The following TRRAP variants were observed in gnomAD, a reference collection of about 807,000 sequenced individuals.
TRRAP encodes the protein transformation/transcription domain associated protein.
TRRAP carries 41 observed loss-of-function variants against 438.8 expected under a neutral mutation model. That is an observed-to-expected ratio of 0.09 (90% CI 0.07 to 0.12). The LOEUF (loss-of-function observed/expected upper bound fraction) is 0.12. TRRAP is among the 10% of genes least tolerant of loss of function. The pLI is 1.00. For missense variants in TRRAP, 3,122 were observed against 5,055.1 expected (o/e 0.62, Z 11.60); for synonymous variants, 1,994 against 1,962.9 (o/e 1.02, Z -0.42).
chr7:98,883,822 A>AT (rs1205122693), intron 3 of TRRAP, among the ~76,000 whole-genome samples: 1 of 152,040 alleles, frequency 6.6e-6, no homozygotes, highest in East Asian at 1.9e-4. Context: ...CCGTCTAGTA[A>AT]TTTTTTTACT....
chr7:98,892,518 G>C lies in TRRAP; in HGVS notation c.356G>C (p.Arg119Pro). The change falls in exon 5 of 73, where the codon CGC (arginine) becomes CCC (proline). Residue 119 changes from arginine to proline, a missense_variant. Arg to Pro is a moderately radical substitution (Grantham distance 103). Around this residue, in one of 24 missense-constraint regions of TRRAP, gnomAD observed 343 missense variants for 564.0 expected, o/e 0.61. Coordinates refer to ENST00000456197, the MANE Select transcript of TRRAP (RefSeq NM_001375524.1). ...HTKNVLSVMF[R>P]FLETENEENV... ...AAAAATGTTTTGTCTGTGATGTTTC[G>C]CTTTTTAGAGGTAAGTTTTGAGAAT... 1 of 1,608,988 alleles carries C rather than the reference G, an allele frequency of 6.2e-7. No homozygotes were observed. The highest frequency in any genetic ancestry group is 8.5e-7 in the Non-Finnish European group (1 of 1,178,584).
intron 67 of TRRAP, chr7:99,000,029 G>A (rs1793843825): frequency 1.3e-5 from 2 of 159,738 alleles, no homozygotes; most frequent in African/African-American, 5.5e-5. Context: ...TTATTTTAAG[G>A]TGGAGTTTTG....
Position 98,965,936 on chromosome 7 carries a change from AAAG to A in TRRAP, c.7176+44_7176+46del, listed in dbSNP as rs1246517749. The A allele has an allele frequency of 2.5e-6, 4 of 1,605,682 alleles. No individual in the cohort carries two copies. In the South Asian group the frequency reaches 3.3e-5, roughly 13 times the overall value. On this transcript the variant is annotated intron_variant, in intron 49 of 72. Transcript: ENST00000456197. ...GTGCCATGTGATCTCCCTTTCAATA[AAAG>A]AAAATTCAAGCCTCAACATCTTGGT...
chr7:98,944,796 A>G (rs1554416414), intron 31 of TRRAP, among the ~76,000 whole-genome samples: 1 of 152,218 alleles, frequency 6.6e-6, no homozygotes. Flanking sequence ...AAATAAGTCA[A>G]AGCTGCCCTC....
intron 12 of TRRAP, among the ~76,000 whole-genome samples, chr7:98,904,381 G>C (rs1796619821): frequency 6.6e-6 from 1 of 151,214 alleles, no homozygotes; most frequent in Non-Finnish European, 1.5e-5. Flanking sequence ...TGCTTGGGAG[G>C]CTGAGGCAGG....
intron 7 of TRRAP, 35 bp from the exon 8 acceptor site, chr7:98,897,706 C>G: frequency 6.4e-7 from 1 of 1,568,770 alleles, no homozygotes; most frequent in South Asian, 1.2e-5. Context: ...TTGGGTTTGA[C>G]TTTAGGAAAA....
chr7:98,945,896 C>A, intron 32 of TRRAP, 34 bp from the exon 33 acceptor site: 2 of 1,555,088 alleles, frequency 1.3e-6, no homozygotes, highest in Non-Finnish European at 1.7e-6. Context: ...TTTCTGTTGC[C>A]TTTTTTCATG....
At chr7:98,968,591 G>A (rs1194235233) in intron 51 of TRRAP, among the ~76,000 whole-genome samples, 1 of 152,194 alleles carries the variant, frequency 6.6e-6, no homozygotes, top group African/African-American at 2.4e-5. Context: ...GTTTGCTGTG[G>A]CAGGTTACCA....
chr7:98,885,551 T>A (rs539287502), intron 3 of TRRAP, among the ~76,000 whole-genome samples: 1 of 152,120 alleles, frequency 6.6e-6, no homozygotes, highest in East Asian at 1.9e-4. Flanking sequence ...TTTTTTTTAA[T>A]AGACATTTTC....
At chr7:98,920,047 T>A (rs1789710521) in intron 20 of TRRAP, among the ~76,000 whole-genome samples, 1 of 152,212 alleles carries the variant, frequency 6.6e-6, no homozygotes, top group Non-Finnish European at 1.5e-5. Context: ...TTAAGAAGCC[T>A]GTTTGAATCT....
At chr7:98,909,113 T>C in intron 14 of TRRAP, 151 bp downstream of exon 14, 1 of 735,138 alleles carries the variant, frequency 1.4e-6, no homozygotes, top group South Asian at 2.0e-5. Context: ...AACCTCTGCC[T>C]CCTGGGTTCA....
At chr7:98,933,908 C>G (rs1554413598) in intron 27 of TRRAP, among the ~76,000 whole-genome samples, 1 of 152,208 alleles carries the variant, frequency 6.6e-6, no homozygotes, top group East Asian at 1.9e-4. Context: ...TTGCTGATTA[C>G]CCAAAGCCAC....
At chr7:98,881,324 G>A in intron 2 of TRRAP, 74 bp downstream of exon 2, 1 of 1,411,288 alleles carries the variant, frequency 7.1e-7, no homozygotes. Context: ...TGTAATCCCA[G>A]CACTTTGGGA....
chr7:98,925,013 A>AG (rs1789982667), intron 21 of TRRAP, 99 bp from the exon 22 acceptor site: 1 of 1,476,738 alleles, frequency 6.8e-7, no homozygotes, highest in East Asian at 2.4e-5. Context: ...TCAAAAAAAA[A>AG]AAAAGATTCT....
At chr7:98,953,513 C>A (rs1214727391) in intron 40 of TRRAP, 80 bp downstream of exon 40, 2 of 1,558,984 alleles carry the variant, frequency 1.3e-6, no homozygotes, top group Non-Finnish European at 1.7e-6. Context: ...GCAGTCTCAG[C>A]CTCTCCTGTT....
rs1791236781 is a variant in TRRAP at position 98,949,560 on chromosome 7, C to T, written c.4932C>T (p.Asp1644=). 1.9e-6 allele frequency: 3 copies of T among 1,585,666 alleles called. No homozygotes were observed. Among genetic ancestry groups the T allele is most frequent in the Non-Finnish European group, 2.6e-6 (3 of 1,166,276 alleles). Residue 1644 remains aspartate (D), a synonymous_variant, in exon 36 of 73, where the codon GAC becomes GAT. Coordinates refer to ENST00000456197, the MANE Select transcript of TRRAP (RefSeq NM_001375524.1). Reference sequence around the variant, plus strand: ...CCAGCACCAGCACCATGCGCCTGGACCTCCAGTTCCAGGCCATCAAGGTAG... The same window carrying T: ...CCAGCACCAGCACCATGCGCCTGGATCTCCAGTTCCAGGCCATCAAGGTAG... ...GSPSTSTMRL[D]LQFQAIKIIS...
In TRRAP at chr7:98,993,535, C is replaced by T; in HGVS notation, c.9848-3C>T. The T allele has an allele frequency of 6.2e-7, 1 of 1,609,310 alleles. No individual in the cohort carries two copies. Among genetic ancestry groups the T allele is most frequent in the Non-Finnish European group, 8.5e-7 (1 of 1,180,002 alleles). Reference sequence around the variant, plus strand: ...ACACTGGCGTTGTGTGTGTTGCTCTCAGATTCTGGACAGCAGCAGCCAAGT... The same window carrying T: ...ACACTGGCGTTGTGTGTGTTGCTCTTAGATTCTGGACAGCAGCAGCCAAGT... On this transcript the variant is annotated splice_region_variant and splice_polypyrimidine_tract_variant and intron_variant, in intron 65 of 72. Coordinates refer to ENST00000456197, the MANE Select transcript of TRRAP (RefSeq NM_001375524.1).
Position 98,953,303 on chromosome 7 carries a change from G to A in TRRAP, c.5600G>A (p.Arg1867His), listed in dbSNP as rs782566441. Residue 1867 changes from arginine to histidine, a missense_variant, in exon 40 of 73, where the codon CGC becomes CAC. By Grantham distance (29) the Arg-to-His change is conservative. Coordinates refer to ENST00000456197, the MANE Select transcript of TRRAP (RefSeq NM_001375524.1). Reference sequence around the variant, plus strand: ...AAGAACCGCAACAGCAAGCTGCGCCGCCTCATGACCTTCGCCTGGCCCTGC... The same window carrying A: ...AAGAACCGCAACAGCAAGCTGCGCCACCTCATGACCTTCGCCTGGCCCTGC... ...NNKNRNSKLRRLMTFAWPCLL... is the reference protein window; with the variant it reads ...NNKNRNSKLRHLMTFAWPCLL... 8.7e-6 allele frequency: 14 copies of A among 1,613,848 alleles called. No individual in the cohort carries two copies. The highest frequency in any genetic ancestry group is 2.2e-5 in the East Asian group (1 of 44,892).
chr7:99,004,817 G>A (rs1246958461), intron 68 of TRRAP, among the ~76,000 whole-genome samples: 9 of 152,138 alleles, frequency 5.9e-5, no homozygotes, highest in South Asian at 2.1e-4. Flanking sequence ...AGTGTGTTTC[G>A]TCTTTATTTC....
Sources: gnomAD v4.1 joint callset for allele counts (sites outside exome capture counted in the v4.1 genomes callset) on GRCh38, gnomAD v4.1.1 for gene constraint, gnomAD v4.1.1 regional missense constraint, MANE v1.5 for transcripts, NCBI Gene and HGNC (gene_info 2026-07-23, HGNC 2026-07-21) for gene names.